Variants in NPHP4 observed in about 807,000 individuals in gnomAD.
The protein encoded by NPHP4 is nephrocystin 4, also known as nephrocystin-4.
In NPHP4, 151 loss-of-function variants were observed where a neutral mutation model predicts 155.8. The ratio of observed to expected loss-of-function variants is 0.97; its 90% CI spans 0.85 to 1.11. The LOEUF is 1.11. Among genes scored for constraint, NPHP4 ranks in the 50% least tolerant of loss-of-function variants. The pLI, the probability that NPHP4 is intolerant of heterozygous loss-of-function variation, is 0.00. For missense variants in NPHP4, 1,956 were observed against 1,925.7 expected, an observed-to-expected ratio of 1.02 and a Z score of -0.29; for synonymous variants, 845 against 816.8, an observed-to-expected ratio of 1.03 and a Z score of -0.59.
Position 5,867,649 on chromosome 1 carries a change from A to G in NPHP4, c.3472+91T>C, listed in dbSNP as rs898725269. 1 of 1,351,690 alleles carries G rather than the reference A, an allele frequency of 7.4e-7. No individual in the cohort carries two copies. The highest frequency in any genetic ancestry group is 2.3e-5 in the East Asian group (1 of 42,762). The allele number at this position is 1,351,690 out of a possible 1,614,324, so 83.7% of individuals were successfully genotyped here. A position where few individuals can be genotyped will look rare whatever the true frequency, so the allele number is the denominator to read the frequency against. The stretch of plus-strand genomic sequence containing the variant: ...CTGCTCTGACAGCACCAGGGCATGA[A>G]GCCATGAGGCCATCTGTCACCCTCA... On this transcript the variant is annotated intron_variant, in intron 24 of 29. Coordinates refer to ENST00000378156, the MANE Select transcript of NPHP4 (RefSeq NM_015102.5). This position sits in a 1 kb window ranked among gnomAD's most constrained non-coding sequence, Gnocchi z 4.1.
In NPHP4 at chr1:5,874,993, G is replaced by C; in HGVS notation, c.2925C>G (p.Ile975Met). 1 of 1,612,534 alleles carries C rather than the reference G, an allele frequency of 6.2e-7. No homozygotes were observed. Among genetic ancestry groups the C allele is most frequent in the Non-Finnish European group, 8.5e-7 (1 of 1,179,880 alleles). ...TGGCGTGGAGCGTGTGCTCCGTGGT[G>C]ATGGCCAGGCTCAGCAGGCTGGCGA... Reference protein sequence around the residue: ...ESIASLLSLAITTEHTLHATL... With the variant: ...ESIASLLSLAMTTEHTLHATL... Residue 975 changes from isoleucine (I) to methionine (M), a missense_variant, in exon 21 of 30, where the codon ATC (isoleucine) becomes ATG (methionine). Ile to Met is a conservative substitution (Grantham distance 10). Transcript: ENST00000378156.
At chr1:5,947,059 G>C (rs371870525) in intron 9 of NPHP4, 45 bp downstream of exon 9, 19 of 1,610,380 alleles carry the variant, frequency 1.2e-5, no homozygotes, top group South Asian at 4.4e-5. Flanking sequence ...CTCACACACA[G>C]AGTTCACCAC....
At chr1:5,913,917 C>T (rs1404623329) in intron 11 of NPHP4, among the ~76,000 whole-genome samples, 1 of 152,114 alleles carries the variant, frequency 6.6e-6, no homozygotes. Context: ...ATACCACTAA[C>T]ATCACAGCCC....
intron 9 of NPHP4, among the ~76,000 whole-genome samples, chr1:5,934,184 C>T (rs1031562588): frequency 2.6e-5 from 4 of 152,142 alleles, no homozygotes; most frequent in African/African-American, 9.7e-5. Context: ...GAACCAAGGC[C>T]CTGCCTGCAG....
At position 5,986,342 on chromosome 1, in the gene NPHP4, T is replaced by C; in HGVS notation, c.-38-15A>G. The C allele has an allele frequency of 6.2e-7, 1 of 1,601,344 alleles. No individual in the cohort carries two copies. Among genetic ancestry groups the C allele is most frequent in the Non-Finnish European group, 8.5e-7 (1 of 1,172,144 alleles). On this transcript the variant is annotated splice_polypyrimidine_tract_variant and intron_variant, in intron 1 of 29. Transcript: ENST00000378156. ...TCCCGGATGATCTGTGCCAGTCGTATTCAAATAAAGAGAAGAGCTGTGAGG... is the reference window on the plus strand; with the variant it reads ...TCCCGGATGATCTGTGCCAGTCGTACTCAAATAAAGAGAAGAGCTGTGAGG...
intron 23 of NPHP4, among the ~76,000 whole-genome samples, chr1:5,872,741 C>T (rs757027357): frequency 6.6e-6 from 1 of 152,128 alleles, no homozygotes; most frequent in Admixed American, 6.5e-5. Context: ...ATGTTTCTAC[C>T]GAATAAAAAA....
At position 5,990,637 on chromosome 1, in the gene NPHP4, T is replaced by C. The variant is rs369071151; in HGVS notation, c.-39+1607A>G. ...GCCAATCCAAGGTCACACAGCTAGC[T>C]ATTATAACTAGCTATTATAATAGTA... On this transcript the variant is annotated intron_variant, in intron 1 of 29. Transcript: ENST00000378156. 1.5e-4 allele frequency among the ~76,000 whole-genome samples: 23 copies of C among 152,290 alleles called. No homozygotes were observed. In the South Asian group the frequency reaches 4.1e-3, roughly 27 times the overall value.
intron 2 of NPHP4, among the ~76,000 whole-genome samples, chr1:5,983,878 T>A (rs1655083786): frequency 6.6e-6 from 1 of 152,238 alleles, no homozygotes; most frequent in Non-Finnish European, 1.5e-5. Flanking sequence ...ACATGGTTTA[T>A]ATTTTTCCAC....
At chr1:5,903,949 T>G (rs953911940) in intron 16 of NPHP4, among the ~76,000 whole-genome samples, 5 of 152,078 alleles carry the variant, frequency 3.3e-5, no homozygotes, top group African/African-American at 4.8e-5. Context: ...AAAGAACTCT[T>G]GCCAAAAACA....
intron 22 of NPHP4, chr1:5,873,589 G>A: frequency 1.8e-6 from 1 of 567,148 alleles, no homozygotes; most frequent in Non-Finnish European, 3.1e-6. Flanking sequence ...CCCACCTGCA[G>A]TCCTCACAGC....
In NPHP4 at chr1:5,986,051, C is replaced by G. The variant is rs978436353; in HGVS notation, c.135+104G>C. 3.3e-5 allele frequency: 45 copies of G among 1,359,008 alleles called. No homozygotes were observed. The Admixed American group carries it at 8.9e-4, about 27-fold the overall frequency. The allele number at this position is 1,359,008 out of a possible 1,614,324, so 84.2% of individuals were successfully genotyped here. On this transcript the variant is annotated intron_variant, in intron 2 of 29. Transcript: ENST00000378156. ...GGGTACCACCATAAAGTAGCAAAAT[C>G]AAAAATCAAAGCATCGTAAGCCAGG...
intron 19 of NPHP4, among the ~76,000 whole-genome samples, chr1:5,877,673 C>G (rs1642762477): frequency 6.6e-6 from 1 of 152,182 alleles, no homozygotes; most frequent in Non-Finnish European, 1.5e-5. Flanking sequence ...GGCCTCAGCC[C>G]CTCGGATCAG....
chr1:5,951,992 G>A (rs115452015), intron 7 of NPHP4, among the ~76,000 whole-genome samples: 2,321 of 152,346 alleles, frequency 0.015, 41 homozygotes, highest in African/African-American at 0.053. Flanking sequence ...AGGGGCCACA[G>A]GCAAACAGGC....
intron 6 of NPHP4, among the ~76,000 whole-genome samples, chr1:5,957,633 TAATTC>T (rs1649496690): frequency 1.0e-5 from 1 of 98,148 alleles, no homozygotes; most frequent in African/African-American, 4.9e-5. Flanking sequence ...GTGGGATATT[TAATTC>T]AGCAGAATGC....
At position 5,967,846 on chromosome 1, in the gene NPHP4, C is replaced by T. The variant is rs930711537; in HGVS notation, c.453-483G>A. 2.0e-5 allele frequency among the ~76,000 whole-genome samples: 3 copies of T among 152,190 alleles called. No homozygotes were observed. In the South Asian group the frequency reaches 6.2e-4, roughly 32 times the overall value. On this transcript the variant is annotated intron_variant, in intron 4 of 29. Transcript: ENST00000378156. ...AGGGATGCTGATAAACATCCTACAGCACAGACGACAGCCCCGCGACAGCAA... is the reference window on the plus strand; with the variant it reads ...AGGGATGCTGATAAACATCCTACAGTACAGACGACAGCCCCGCGACAGCAA...
intron 3 of NPHP4, among the ~76,000 whole-genome samples, chr1:5,973,955 T>C (rs750295029): frequency 2.0e-5 from 3 of 152,224 alleles, no homozygotes; most frequent in Non-Finnish European, 4.4e-5. Flanking sequence ...GTTCAGGACA[T>C]GCCTGCCCTC....
intron 11 of NPHP4, among the ~76,000 whole-genome samples, chr1:5,915,898 T>C (rs1645445355): frequency 6.6e-6 from 1 of 152,158 alleles, no homozygotes; most frequent in Non-Finnish European, 1.5e-5. Context: ...TGTGATTGAC[T>C]GAACCACCCT....
intron 21 of NPHP4, 89 bp downstream of exon 21, chr1:5,874,785 G>A (rs915283487): frequency 2.4e-5 from 37 of 1,528,248 alleles, no homozygotes; most frequent in East Asian, 6.9e-5. Flanking sequence ...CCCGGCTCTC[G>A]GGCAGAATTC....
intron 6 of NPHP4, among the ~76,000 whole-genome samples, chr1:5,954,882 A>G (rs552674696): frequency 2.0e-5 from 3 of 152,364 alleles, no homozygotes; most frequent in East Asian, 3.9e-4. Flanking sequence ...CAAATGGATT[A>G]TATCAAAATA....
Sources: gnomAD v4.1 joint callset for allele counts (sites outside exome capture counted in the v4.1 genomes callset) on GRCh38, gnomAD v4.1.1 for gene constraint, Gnocchi (gnomAD v3.1) non-coding constraint, MANE v1.5 for transcripts, NCBI Gene and HGNC (gene_info 2026-07-23, HGNC 2026-07-21) for gene names.